Variants in SLC35F3 observed in about 807,000 individuals in gnomAD.
SLC35F3 encodes putative thiamine transporter SLC35F3.
A neutral mutation model predicts 49.9 loss-of-function variants in SLC35F3; 25 were observed. The observed-to-expected ratio is 0.50, with a 90% CI of 0.37 to 0.70. The LOEUF (loss-of-function observed/expected upper bound fraction) is 0.70. SLC35F3 is among the 30% of genes least tolerant of loss of function. SLC35F3 has a pLI of 0.00. For synonymous variants in SLC35F3, 275 were observed against 265.4 expected (o/e 1.04, Z -0.35); for missense variants, 525 against 639.8 (o/e 0.82, Z 1.94).
At chr1:233,916,202 C>T (rs891165729) in intron 2 of SLC35F3, among the ~76,000 whole-genome samples, 1 of 152,198 alleles carries the variant, frequency 6.6e-6, no homozygotes, top group Non-Finnish European at 1.5e-5. Flanking sequence ...TATTCAAACA[C>T]TTTTACTTTA....
intron 3 of SLC35F3, among the ~76,000 whole-genome samples, chr1:234,276,956 G>A (rs1022579005): frequency 5.9e-5 from 9 of 152,366 alleles, no homozygotes; most frequent in Admixed American, 2.0e-4. Flanking sequence ...GGCAAGAGGG[G>A]CTGATGTGGG....
intron 2 of SLC35F3, among the ~76,000 whole-genome samples, chr1:234,184,331 T>C (rs145113265): frequency 2.0e-5 from 3 of 152,318 alleles, no homozygotes; most frequent in East Asian, 3.9e-4. Flanking sequence ...CTGTGTAAGC[T>C]TGATGTTTTC....
At chr1:234,123,928 C>T (rs1332927162) in intron 2 of SLC35F3, among the ~76,000 whole-genome samples, 1 of 152,142 alleles carries the variant, frequency 6.6e-6, no homozygotes, top group Non-Finnish European at 1.5e-5. Flanking sequence ...CATTTACTCG[C>T]CTTGGTGATT....
At chr1:234,318,698 T>C in intron 5 of SLC35F3, 53 bp from the exon 6 acceptor site, 1 of 1,513,308 alleles carries the variant, frequency 6.6e-7, no homozygotes, top group Middle Eastern at 1.8e-4. Flanking sequence ...GCTTACATCA[T>C]ATTGGGGTCT....
intron 7 of SLC35F3, among the ~76,000 whole-genome samples, chr1:234,321,044 C>A (rs566305054): frequency 7.1e-6 from 1 of 141,472 alleles, no homozygotes; most frequent in Non-Finnish European, 1.6e-5. Context: ...ATTGCCCCCC[C>A]CCCACCCCAA....
chr1:234,109,448 A>G (rs554922205), intron 2 of SLC35F3, among the ~76,000 whole-genome samples: 3 of 152,268 alleles, frequency 2.0e-5, no homozygotes, highest in Admixed American at 6.5e-5. Context: ...TCATCTCCTC[A>G]TGGTTGGAGG....
At chr1:234,085,911 T>A (rs762234821) in intron 2 of SLC35F3, among the ~76,000 whole-genome samples, 6 of 152,214 alleles carry the variant, frequency 3.9e-5, no homozygotes, top group Non-Finnish European at 5.9e-5. Context: ...CACCTGGCAA[T>A]AGTTGATATT....
intron 2 of SLC35F3, among the ~76,000 whole-genome samples, chr1:234,183,561 G>A (rs1423474665): frequency 7.0e-6 from 1 of 142,696 alleles, no homozygotes; most frequent in African/African-American, 2.4e-5. Flanking sequence ...GAGTGTATAT[G>A]CATAAATACG....
At chr1:234,000,739 T>A (rs1426868111) in intron 2 of SLC35F3, among the ~76,000 whole-genome samples, 3 of 152,172 alleles carry the variant, frequency 2.0e-5, no homozygotes, top group African/African-American at 7.2e-5. Flanking sequence ...GTTAGCACAT[T>A]GTCGAGCTTA....
At chr1:234,151,373 A>G (rs1370876748) in intron 2 of SLC35F3, among the ~76,000 whole-genome samples, 1 of 152,150 alleles carries the variant, frequency 6.6e-6, no homozygotes, top group Non-Finnish European at 1.5e-5. Context: ...TGAGAAAAAT[A>G]TTAAAGTAAA....
intron 2 of SLC35F3, among the ~76,000 whole-genome samples, chr1:234,036,041 T>A (rs918507025): frequency 2.6e-5 from 4 of 152,184 alleles, no homozygotes; most frequent in African/African-American, 9.7e-5. Flanking sequence ...TGGATGACTT[T>A]AAGTTTAACT....
intron 2 of SLC35F3, among the ~76,000 whole-genome samples, chr1:234,039,023 A>G (rs1390861680): frequency 6.6e-6 from 1 of 152,240 alleles, no homozygotes; most frequent in Non-Finnish European, 1.5e-5. Context: ...CCCAATAGAC[A>G]TTTAAGAAGA....
intron 2 of SLC35F3, among the ~76,000 whole-genome samples, chr1:234,146,952 A>G (rs1319568054): frequency 6.6e-6 from 1 of 152,216 alleles, no homozygotes; most frequent in African/African-American, 2.4e-5. Context: ...TCAGATTCAG[A>G]TGACAGTTTA....
At chr1:233,910,624 A>G (rs920426694) in intron 2 of SLC35F3, among the ~76,000 whole-genome samples, 1 of 152,186 alleles carries the variant, frequency 6.6e-6, no homozygotes, top group African/African-American at 2.4e-5. Flanking sequence ...TCCCTTTCCG[A>G]AAGGTTTCCC....
chr1:234,301,574 C>G (rs959620262), intron 3 of SLC35F3, among the ~76,000 whole-genome samples: 1 of 152,160 alleles, frequency 6.6e-6, no homozygotes, highest in Non-Finnish European at 1.5e-5. Flanking sequence ...GAAATAGGAA[C>G]TTTTACACTT....
chr1:233,920,949 G>A (rs1662048586), intron 2 of SLC35F3, among the ~76,000 whole-genome samples: 1 of 152,220 alleles, frequency 6.6e-6, no homozygotes, highest in South Asian at 2.1e-4. Flanking sequence ...AGCCCTGGCT[G>A]CTTTCTTGAT....
chr1:234,226,053 C>T (rs1309816127), intron 2 of SLC35F3, among the ~76,000 whole-genome samples: 1 of 152,152 alleles, frequency 6.6e-6, no homozygotes, highest in African/African-American at 2.4e-5. Context: ...CACAAGAACT[C>T]GTTTCGGCAT....
intron 2 of SLC35F3, among the ~76,000 whole-genome samples, chr1:234,163,692 A>G (rs1275988899): frequency 6.6e-6 from 1 of 152,194 alleles, no homozygotes; most frequent in Non-Finnish European, 1.5e-5. Flanking sequence ...CACCCAACAG[A>G]TGGATGTTTC....
chr1:234,026,412 A>C (rs1351947273), intron 2 of SLC35F3, among the ~76,000 whole-genome samples: 1 of 152,226 alleles, frequency 6.6e-6, no homozygotes, highest in African/African-American at 2.4e-5. Flanking sequence ...ATATCTGAAA[A>C]CTACTTAGAA....
Sources: gnomAD v4.1 joint callset for allele counts (sites outside exome capture counted in the v4.1 genomes callset) on GRCh38, gnomAD v4.1.1 for gene constraint, MANE v1.5 for transcripts, NCBI Gene and HGNC (gene_info 2026-07-23, HGNC 2026-07-21) for gene names.